Variants in IGSF10 observed in about 807,000 individuals in gnomAD.
IGSF10 encodes the protein calvaria mechanical force protein 608.
A neutral mutation model predicts 128.2 loss-of-function variants in IGSF10; 126 were observed. The observed-to-expected ratio is 0.98, with a 90% CI of 0.85 to 1.14. The LOEUF is 1.14. IGSF10 is among the 50% of genes most tolerant of loss of function. The probability of loss-of-function intolerance (pLI) is 0.00; values close to 1 mark genes in which losing one functional copy is unlikely to be tolerated. For synonymous variants in IGSF10, 1,185 were observed against 1,146.2 expected (o/e 1.03, Z -0.68); for missense variants, 3,295 against 3,149.8 (o/e 1.05, Z -1.10).
intron 4 of IGSF10, among the ~76,000 whole-genome samples, chr3:151,454,913 TG>T (rs964866189): frequency 2.0e-5 from 3 of 152,084 alleles, no homozygotes; most frequent in African/African-American, 7.2e-5. Context: ...GGCTGAGGCA[TG>T]AGAATCATTT....
the IGSF10 span, among the ~76,000 whole-genome samples, chr3:151,490,284 G>A: frequency 6.6e-6 from 1 of 152,108 alleles, no homozygotes; most frequent in African/African-American, 2.4e-5. Flanking sequence ...GAAACAAAGA[G>A]TGTCATTATT....
At chr3:151,581,896 G>C in the IGSF10 span, among the ~76,000 whole-genome samples, 1 of 151,970 alleles carries the variant, frequency 6.6e-6, no homozygotes, top group Non-Finnish European at 1.5e-5. Context: ...TATGGTGAAA[G>C]TCTGTCTCCA....
At chr3:151,569,679 T>C in the IGSF10 span, among the ~76,000 whole-genome samples, 1 of 152,174 alleles carries the variant, frequency 6.6e-6, no homozygotes, top group South Asian at 2.1e-4. Context: ...AATAGAAATA[T>C]TAAAGAATTT....
chr3:151,537,347 T>G, the IGSF10 span, among the ~76,000 whole-genome samples: 2 of 152,176 alleles, frequency 1.3e-5, no homozygotes, highest in African/African-American at 4.8e-5. Context: ...TCCCCTGAAG[T>G]CTGAAGAGAA....
At chr3:151,525,363 T>C in the IGSF10 span, among the ~76,000 whole-genome samples, 47,122 of 152,004 alleles carry the variant, frequency 0.31, 7,990 homozygotes, top group Middle Eastern at 0.42. Flanking sequence ...CCACAAAAAA[T>C]ACTATTTAAG....
chr3:151,437,403 A>ATAAC lies in IGSF10; in HGVS notation c.7154_7157dup (p.Tyr2386Ter). On this transcript the variant is annotated stop_gained and frameshift_variant, in exon 8 of 8. Coordinates refer to ENST00000282466, the MANE Select transcript of IGSF10 (RefSeq NM_178822.5). LOFTEE classifies it low-confidence loss of function (END_TRUNC). ...AACCATTGCTTGCTATCAGATACTGATAACTTTGTGGTCCATTGGAAAATC... is the reference window on the plus strand; with the variant it reads ...AACCATTGCTTGCTATCAGATACTGATAACTAACTTTGTGGTCCATTGGAAAATC... 1 of 1,614,200 alleles carries ATAAC rather than the reference A, an allele frequency of 6.2e-7. No homozygotes were observed. The highest frequency in any genetic ancestry group is 8.5e-7 in the Non-Finnish European group (1 of 1,180,012).
the IGSF10 span, among the ~76,000 whole-genome samples, chr3:151,495,684 C>T: frequency 6.6e-6 from 1 of 151,734 alleles, no homozygotes; most frequent in African/African-American, 2.4e-5. Context: ...GGAAATAGGC[C>T]CATGGAGTGA....
chr3:151,529,151 A>C, the IGSF10 span, among the ~76,000 whole-genome samples: 10 of 152,174 alleles, frequency 6.6e-5, no homozygotes, highest in African/African-American at 2.2e-4. Flanking sequence ...CTGCCTCTCT[A>C]GATTCCTCCT....
At chr3:151,439,187 AAACT>A (rs1720681414) in intron 7 of IGSF10, among the ~76,000 whole-genome samples, 1 of 152,246 alleles carries the variant, frequency 6.6e-6, no homozygotes, top group Non-Finnish European at 1.5e-5. Flanking sequence ...CATACCAAGT[AAACT>A]AATTGGATCC....
At chr3:151,517,856 T>C in the IGSF10 span, among the ~76,000 whole-genome samples, 1 of 151,950 alleles carries the variant, frequency 6.6e-6, no homozygotes, top group Non-Finnish European at 1.5e-5. Flanking sequence ...CTTTTTTCTC[T>C]TGTAAACAGG....
At chr3:151,474,129 T>A in the IGSF10 span, among the ~76,000 whole-genome samples, 2 of 152,104 alleles carry the variant, frequency 1.3e-5, no homozygotes, top group African/African-American at 4.8e-5. Context: ...GATGACAACA[T>A]ACACATTCAA....
At chr3:151,571,339 G>A in the IGSF10 span, among the ~76,000 whole-genome samples, 1 of 151,876 alleles carries the variant, frequency 6.6e-6, no homozygotes, top group East Asian at 1.9e-4. Context: ...CCATTTTCAC[G>A]ATATTGATTC....
chr3:151,596,200 T>C, the IGSF10 span, among the ~76,000 whole-genome samples: 4 of 152,180 alleles, frequency 2.6e-5, no homozygotes, highest in Admixed American at 6.5e-5. Context: ...TGTAAATTTT[T>C]AAAAACAGTA....
chr3:151,511,563 A>G, the IGSF10 span, among the ~76,000 whole-genome samples: 1 of 152,192 alleles, frequency 6.6e-6, no homozygotes, highest in Non-Finnish European at 1.5e-5. Flanking sequence ...TCAACTAATG[A>G]GCAAAATCAC....
Position 151,446,776 on chromosome 3 carries a change from T to C in IGSF10, c.3205A>G (p.Arg1069Gly). Residue 1069 changes from arginine (R) to glycine (G), a missense_variant, in exon 6 of 8, where the codon AGG becomes GGG. Coordinates refer to ENST00000282466, the MANE Select transcript of IGSF10 (RefSeq NM_178822.5). ...LNVTCLSCLP[R>G]ERLTTATAAL... ...GCTGTGGCAGTGGTGAGCCTCTCCCTGGGAAGACAGGACAGACATGTCACA... is the reference window on the plus strand; with the variant it reads ...GCTGTGGCAGTGGTGAGCCTCTCCCCGGGAAGACAGGACAGACATGTCACA... The C allele has an allele frequency of 1.9e-6, 3 of 1,614,078 alleles. No individual in the cohort carries two copies. The highest frequency in any genetic ancestry group is 1.7e-6 in the Non-Finnish European group (2 of 1,179,990).
At chr3:151,526,246 G>A in the IGSF10 span, among the ~76,000 whole-genome samples, 1 of 152,106 alleles carries the variant, frequency 6.6e-6, no homozygotes, top group Non-Finnish European at 1.5e-5. Context: ...GAGCTCCACA[G>A]TCTATTGGAT....
chr3:151,446,336 T>C lies in IGSF10; in HGVS notation c.3645A>G (p.Pro1215=). The part of the protein sequence containing the change: ...WQQNFVNNHN[P]KGRLRNQHKV... ...TATGTTGATTCCTTAATCTGCCTTT[T>C]GGGTTATGGTTATTTACAAAGTTCT... The change falls in exon 6 of 8, where the codon CCA becomes CCG. Residue 1215 remains proline (P), a synonymous_variant. Coordinates refer to ENST00000282466, the MANE Select transcript of IGSF10 (RefSeq NM_178822.5). 6.2e-7 allele frequency: 1 copy of C among 1,613,874 alleles called. No homozygotes were observed. The highest frequency in any genetic ancestry group is 8.5e-7 in the Non-Finnish European group (1 of 1,179,754).
the IGSF10 span, among the ~76,000 whole-genome samples, chr3:151,490,168 C>T: frequency 1.3e-5 from 2 of 152,146 alleles, no homozygotes; most frequent in Admixed American, 6.5e-5. Context: ...TAAGAACACA[C>T]ATAGGCTGAA....
chr3:151,436,674 CTTT>C lies in IGSF10; in HGVS notation c.*12_*14del, dbSNP rs1553827243. ...ATAAATTCTGCCCAGATGTTGTTGA[CTTT>C]ATTATTTCATGTCAGATTACTTGAA... On this transcript the variant is annotated 3_prime_UTR_variant, in exon 8 of 8. Coordinates refer to ENST00000282466, the MANE Select transcript of IGSF10 (RefSeq NM_178822.5). 6.5e-7 allele frequency: 1 copy of C among 1,546,072 alleles called. No individual in the cohort carries two copies. The highest frequency in any genetic ancestry group is 8.8e-7 in the Non-Finnish European group (1 of 1,140,854).
Sources: gnomAD v4.1 joint callset for allele counts (sites outside exome capture counted in the v4.1 genomes callset) on GRCh38, gnomAD v4.1.1 for gene constraint, MANE v1.5 for transcripts, NCBI Gene and HGNC (gene_info 2026-07-23, HGNC 2026-07-21) for gene names.